ARHGAP36: variants seen among roughly 807,000 people sequenced by gnomAD.
ARHGAP36 encodes rho GTPase-activating protein 36.
A neutral mutation model predicts 32.9 loss-of-function variants in ARHGAP36; 7 were observed. The observed-to-expected ratio is 0.21, with a 90% CI of 0.12 to 0.40. The LOEUF is 0.40. Among genes scored for constraint, ARHGAP36 ranks in the 10% least tolerant of loss-of-function variants. The pLI is 1.00. For missense variants in ARHGAP36, 383 were observed against 442.2 expected, an observed-to-expected ratio of 0.87 and a Z score of 1.20; for synonymous variants, 165 against 168.3, an observed-to-expected ratio of 0.98 and a Z score of 0.15.
In ARHGAP36 at chrX:131,085,707, G is replaced by T; in HGVS notation, c.1075G>T (p.Glu359Ter). 8.3e-7 allele frequency: 1 copy of T among 1,211,723 alleles called. No individual in the cohort carries two copies. The highest frequency in any genetic ancestry group is 1.1e-6 in the Non-Finnish European group (1 of 895,554). ...CCTGCATAAAATCACTGAGAACTGC[G>T]AGGACTCAATTGGCATTGATGGACA... ...KALHKITENC[E>*]DSIGIDGQLV... The change falls in exon 8 of 12, where the codon GAG (glutamate) becomes TAG (stop). Residue 359 changes from glutamate to a stop codon, truncating the protein, a stop_gained. Transcript: ENST00000276211. LOFTEE classifies it high-confidence loss of function.
rs989453593 is a variant in ARHGAP36 at position 131,086,378 on chromosome X, G to A, written c.1331G>A (p.Ser444Asn). Residue 444 changes from serine to asparagine, a missense_variant, in exon 10 of 12, where the codon AGC (serine) becomes AAC (asparagine). This residue lies in a region of ARHGAP36 where 227 missense variants were observed against 311.3 expected (regional missense o/e 0.73). Coordinates refer to ENST00000276211, the MANE Select transcript of ARHGAP36 (RefSeq NM_144967.4). ...GTTGCTAAGCGCGTGTGGAAGTCCAGCCCGGAAGCACTTGATTTTATCAGA... is the reference window on the plus strand; with the variant it reads ...GTTGCTAAGCGCGTGTGGAAGTCCAACCCGGAAGCACTTGATTTTATCAGA... ...RQVAKRVWKSSPEALDFIRRR... is the reference protein window; with the variant it reads ...RQVAKRVWKSNPEALDFIRRR... 8.3e-7 allele frequency: 1 copy of A among 1,212,066 alleles called. No homozygotes were observed. The highest frequency in any genetic ancestry group is 1.8e-5 in the South Asian group (1 of 57,004).
chrX:131,081,731 G>A lies in ARHGAP36; in HGVS notation c.66G>A (p.Leu22=). The change falls in exon 2 of 12, where the codon TTG becomes TTA. Residue 22 remains leucine (L), a synonymous_variant. Coordinates refer to ENST00000276211, the MANE Select transcript of ARHGAP36 (RefSeq NM_144967.4). ...TGTGCCCCAGAATCATGCCCCCTTT[G>A]CTGTTGTTGTCCGCCTTCATTTTTT... ...RALCPRIMPP[L]LLLSAFIFLV... is the part of the protein sequence containing the mutation. The A allele has an allele frequency of 3.3e-6, 4 of 1,211,740 alleles. No homozygotes were observed. Among genetic ancestry groups the A allele is most frequent in the Non-Finnish European group, 4.5e-6 (4 of 895,551 alleles).
At chrX:131,084,590 C>T in intron 5 of ARHGAP36, 36 bp from the exon 6 acceptor site, 1 of 1,205,611 alleles carries the variant, frequency 8.3e-7, no homozygotes, top group South Asian at 1.8e-5. Context: ...GAAAGGGATT[C>T]AGAGATGCTT....
At chrX:131,085,180 TAAG>T (rs1229309847) in intron 7 of ARHGAP36, 116 bp downstream of exon 7, 2 of 749,794 alleles carry the variant, frequency 2.7e-6, no homozygotes, top group South Asian at 4.7e-5. Context: ...AAAATGACCA[TAAG>T]AAGATTTTAA....
intron 1 of ARHGAP36, 90 bp from the exon 2 acceptor site, chrX:131,081,434 G>T: frequency 1.4e-6 from 1 of 714,354 alleles, no homozygotes; most frequent in Non-Finnish European, 1.8e-6. Flanking sequence ...TTCTCTCTTT[G>T]TACTTTTTTT....
chrX:131,085,971 T>C lies in ARHGAP36; in HGVS notation c.1163T>C (p.Leu388Pro). The C allele has an allele frequency of 1.7e-6, 2 of 1,211,616 alleles. No individual in the cohort carries two copies. The highest frequency in any genetic ancestry group is 2.2e-6 in the Non-Finnish European group (2 of 895,396). Reference protein sequence around the residue: ...NLALVFGSALLKKGKFGKRES... With the variant: ...NLALVFGSALPKKGKFGKRES... ...GCCTTGGTGTTTGGATCTGCTCTCC[T>C]GAAAAAAGGAAAGTTTGGCAAGAGA... Residue 388 changes from leucine (L) to proline (P), a missense_variant, in exon 9 of 12, where the codon CTG becomes CCG. Physicochemically the swap from Leu to Pro is moderately conservative, Grantham distance 98. Transcript: ENST00000276211.
At chrX:131,064,330 G>A (rs989776993) in intron 1 of ARHGAP36, among the ~76,000 whole-genome samples, 1 of 111,283 alleles carries the variant, frequency 9.0e-6, no homozygotes, top group Non-Finnish European at 1.9e-5. Context: ...TTCCGGGGCT[G>A]CATTAGGCTG....
intron 1 of ARHGAP36, among the ~76,000 whole-genome samples, chrX:131,068,345 G>C: frequency 8.9e-6 from 1 of 111,794 alleles, no homozygotes; most frequent in African/African-American, 3.2e-5. Flanking sequence ...AAAAAAGGAG[G>C]GGGGATGAGC....
chrX:131,082,052 G>T (rs1318726977), intron 2 of ARHGAP36, 134 bp downstream of exon 2: 7 of 835,886 alleles, frequency 8.4e-6, no homozygotes, highest in Non-Finnish European at 6.6e-6. Flanking sequence ...TTCTCCTGGC[G>T]TCTGGGGAAC....
Position 131,085,615 on chromosome X carries a change from C to T in ARHGAP36, c.983C>T (p.Ala328Val). The T allele has an allele frequency of 1.7e-6, 2 of 1,211,360 alleles. No individual in the cohort carries two copies. Among genetic ancestry groups the T allele is most frequent in the African/African-American group, 1.7e-5 (1 of 57,726 alleles). The change falls in exon 8 of 12, where the codon GCC becomes GTC. Residue 328 changes from alanine (A) to valine (V), a missense_variant. Ala to Val is a moderately conservative substitution (Grantham distance 64). Around this residue, in one of 2 missense-constraint regions of ARHGAP36, gnomAD observed 227 missense variants for 311.3 expected, o/e 0.73. Transcript: ENST00000276211. ...ATLKPQDQLS[A>V]LQLLVYLMPP... ...TTAAAGCCCCAGGATCAGCTTTCTGCCCTGCAGTTGCTGGTCTACCTGATG... is the reference window on the plus strand; with the variant it reads ...TTAAAGCCCCAGGATCAGCTTTCTGTCCTGCAGTTGCTGGTCTACCTGATG...
chrX:131,073,723 C>G (rs2079744867), intron 1 of ARHGAP36, among the ~76,000 whole-genome samples: 1 of 111,326 alleles, frequency 9.0e-6, no homozygotes, highest in Non-Finnish European at 1.9e-5. Flanking sequence ...CTCTGACTTG[C>G]CCAAGGCCAC....
intron 1 of ARHGAP36, among the ~76,000 whole-genome samples, chrX:131,062,749 C>T (rs961490567): frequency 9.0e-6 from 1 of 111,700 alleles, no homozygotes; most frequent in Non-Finnish European, 1.9e-5. Flanking sequence ...TTTGTAAATA[C>T]CAGTCATACT....
chrX:131,077,051 T>C (rs1224447093), intron 1 of ARHGAP36, among the ~76,000 whole-genome samples: 1 of 112,372 alleles, frequency 8.9e-6, no homozygotes, highest in Non-Finnish European at 1.9e-5. Context: ...ATATTGTTCA[T>C]TGCATCAGCA....
intron 1 of ARHGAP36, among the ~76,000 whole-genome samples, chrX:131,076,673 C>T (rs2079764296): frequency 9.0e-6 from 1 of 111,496 alleles, no homozygotes; most frequent in Non-Finnish European, 1.9e-5. Context: ...AGTATGGGTG[C>T]GTCAATGGCA....
At chrX:131,086,288 T>G (rs1268453522) in intron 9 of ARHGAP36, 41 bp from the exon 10 acceptor site, 6 of 1,170,607 alleles carry the variant, frequency 5.1e-6, no homozygotes, top group East Asian at 3.0e-5. Context: ...AATGAAAAGG[T>G]GCTGTGTAAT....
chrX:131,081,971 C>A (rs1270464882), intron 2 of ARHGAP36, 53 bp downstream of exon 2: 12 of 1,176,282 alleles, frequency 1.0e-5, no homozygotes, highest in African/African-American at 1.8e-5. Flanking sequence ...GTGGACCCTC[C>A]GGGCAGGACG....
chrX:131,089,154 C>T lies in ARHGAP36; in HGVS notation c.*369C>T, dbSNP rs2079853584. 1 of 146,933 alleles carries T rather than the reference C, an allele frequency of 6.8e-6. No homozygotes were observed. The highest frequency in any genetic ancestry group is 1.3e-5 in the Non-Finnish European group (1 of 75,949). 12.1% of individuals were successfully genotyped at this position (146,933 alleles called of 1,213,427 possible). A position where few individuals can be genotyped will look rare whatever the true frequency, so the allele number is the denominator to read the frequency against. On this transcript the variant is annotated 3_prime_UTR_variant, in exon 12 of 12. Coordinates refer to ENST00000276211, the MANE Select transcript of ARHGAP36 (RefSeq NM_144967.4). ...ACCTCACAAATCTTGAGATGCTTTC[C>T]CTTCCCCAGATGGGATTGCATGATT...
intron 1 of ARHGAP36, among the ~76,000 whole-genome samples, chrX:131,066,098 G>A (rs188477867): frequency 1.8e-5 from 2 of 112,120 alleles, no homozygotes; most frequent in African/African-American, 6.5e-5. Flanking sequence ...AGATGAGGCT[G>A]CTTGGAAGGC....
chrX:131,074,864 A>C (rs1012572677), intron 1 of ARHGAP36, among the ~76,000 whole-genome samples: 1 of 112,101 alleles, frequency 8.9e-6, no homozygotes, highest in African/African-American at 3.2e-5. Context: ...TCCATTTTGT[A>C]GGCCAGTTAG....
Sources: allele counts gnomAD v4.1 joint callset (sites outside exome capture counted in the v4.1 genomes callset), GRCh38; gene constraint gnomAD v4.1.1; regional missense constraint gnomAD v4.1.1; transcripts MANE v1.5; gene names NCBI Gene and HGNC (gene_info 2026-07-23, HGNC 2026-07-21).